The following SYNPR variants were observed in gnomAD, a reference collection of about 807,000 sequenced individuals.
SYNPR encodes synaptoporin.
A neutral mutation model predicts 32.9 loss-of-function variants in SYNPR; 23 were observed. The ratio of observed to expected loss-of-function variants is 0.70; its 90% confidence interval spans 0.50 to 0.99. The LOEUF (loss-of-function observed/expected upper bound fraction) is 0.99, where lower values mean the gene tolerates loss of function less well. Ranked by LOEUF, SYNPR falls within the 50% of genes least tolerant of loss-of-function variation. The pLI, the probability that SYNPR is intolerant of heterozygous loss-of-function variation, is 0.00. For synonymous variants in SYNPR, 146 were observed against 135.9 expected (o/e 1.07, Z -0.52); for missense variants, 318 against 349.3 (o/e 0.91, Z 0.71).
At chr3:63,497,971 G>T (rs1701404116) in intron 3 of SYNPR, among the ~76,000 whole-genome samples, 1 of 152,032 alleles carries the variant, frequency 6.6e-6, no homozygotes, top group African/African-American at 2.4e-5. Context: ...ATGCTTTTTA[G>T]AAGAGAAATA....
rs111417288 is a variant in SYNPR, at chr3:63,375,907, T to C, written c.84+97165T>C. On this transcript the variant is annotated intron_variant, in intron 2 of 5. Coordinates refer to ENST00000478300, the MANE Select transcript of SYNPR (RefSeq NM_001130003.2). ...GTCTAAAGTCATCTAGGAATTAATA[T>C]GTTGAAGAAGAAAGTATTGCTTTCC... Among the ~76,000 whole-genome samples, 248 of 152,272 alleles carry C rather than the reference T, an allele frequency of 1.6e-3. 1 individual carries two copies. The highest frequency in any genetic ancestry group is 5.7e-3 in the African/African-American group (236 of 41,578).
At chr3:63,270,637 A>T (rs897662905) in intron 3 of SYNPR, among the ~76,000 whole-genome samples, 1 of 152,142 alleles carries the variant, frequency 6.6e-6, no homozygotes, top group South Asian at 2.1e-4. Context: ...TTGACTTCAT[A>T]CTTGGCTTGG....
At chr3:63,204,213 C>T in the SYNPR span, among the ~76,000 whole-genome samples, 2 of 152,100 alleles carry the variant, frequency 1.3e-5, no homozygotes, top group African/African-American at 4.8e-5. Context: ...TGTATTTCCT[C>T]ACAATTGTAA....
chr3:63,488,053 T>A (rs144722588), intron 3 of SYNPR, among the ~76,000 whole-genome samples: 1 of 152,122 alleles, frequency 6.6e-6, no homozygotes, highest in African/African-American at 2.4e-5. Flanking sequence ...TGGGCCATTA[T>A]CTAGTAACGC....
intron 4 of SYNPR, among the ~76,000 whole-genome samples, chr3:63,604,705 A>G (rs9813144): frequency 0.69 from 104,360 of 152,022 alleles, 37,056 homozygotes; most frequent in African/African-American, 0.88. Flanking sequence ...GTACATGAAC[A>G]TTGTTGATAT....
chr3:63,503,351 T>G (rs536714105), intron 3 of SYNPR, among the ~76,000 whole-genome samples: 1 of 152,156 alleles, frequency 6.6e-6, no homozygotes, highest in African/African-American at 2.4e-5. Flanking sequence ...ATAACAGTCC[T>G]TTATGAAATG....
intron 2 of SYNPR, among the ~76,000 whole-genome samples, chr3:63,429,562 T>C (rs1454448683): frequency 6.6e-6 from 1 of 152,198 alleles, no homozygotes; most frequent in Non-Finnish European, 1.5e-5. Flanking sequence ...GAACCAAAAT[T>C]TCAAGTTGTT....
At chr3:63,479,653 C>T (rs922186555) in intron 2 of SYNPR, among the ~76,000 whole-genome samples, 1 of 152,172 alleles carries the variant, frequency 6.6e-6, no homozygotes, top group Non-Finnish European at 1.5e-5. Context: ...ACCTTCTGAA[C>T]TTTCTGGAAA....
At chr3:63,581,893 CT>C (rs1302771456) in intron 4 of SYNPR, among the ~76,000 whole-genome samples, 1 of 152,026 alleles carries the variant, frequency 6.6e-6, no homozygotes. Context: ...GTGTGGATTT[CT>C]TTTTAACTTA....
At chr3:63,531,919 T>C (rs1682837416) in intron 3 of SYNPR, among the ~76,000 whole-genome samples, 1 of 152,208 alleles carries the variant, frequency 6.6e-6, no homozygotes, top group Admixed American at 6.5e-5. Flanking sequence ...TTTACCTACT[T>C]CTATATGAAG....
chr3:63,580,396 T>C (rs186955560), intron 4 of SYNPR, among the ~76,000 whole-genome samples: 2 of 152,300 alleles, frequency 1.3e-5, no homozygotes, highest in African/African-American at 4.8e-5. Context: ...AAGTCAGGCA[T>C]GACCTGTGGG....
At chr3:63,427,356 G>T (rs1163122655) in intron 2 of SYNPR, 2 of 151,928 alleles carry the variant, frequency 1.3e-5, no homozygotes, top group Non-Finnish European at 2.9e-5. Context: ...TCTCAGTAAA[G>T]AATAAATAAT....
chr3:63,478,200 C>T (rs995127802), intron 2 of SYNPR, among the ~76,000 whole-genome samples: 1 of 152,178 alleles, frequency 6.6e-6, no homozygotes, highest in African/African-American at 2.4e-5. Context: ...TAGTTAAATA[C>T]ATAACTATCA....
intron 4 of SYNPR, among the ~76,000 whole-genome samples, chr3:63,601,786 T>G (rs1040475648): frequency 6.6e-6 from 1 of 152,222 alleles, no homozygotes; most frequent in African/African-American, 2.4e-5. Context: ...AGTGTGGCAG[T>G]AAACATACAC....
chr3:63,365,586 A>G (rs772157771), intron 2 of SYNPR, among the ~76,000 whole-genome samples: 1 of 152,258 alleles, frequency 6.6e-6, no homozygotes, highest in Non-Finnish European at 1.5e-5. Context: ...TGACAAAAAT[A>G]TCACAAGGAT....
At chr3:63,354,350 C>A (rs1342100135) in intron 2 of SYNPR, among the ~76,000 whole-genome samples, 1 of 152,160 alleles carries the variant, frequency 6.6e-6, no homozygotes, top group East Asian at 1.9e-4. Context: ...ACATCATGAT[C>A]CAACTGCTGG....
At chr3:63,362,460 C>G (rs2087674365) in intron 2 of SYNPR, among the ~76,000 whole-genome samples, 1 of 152,038 alleles carries the variant, frequency 6.6e-6, no homozygotes, top group African/African-American at 2.4e-5. Context: ...ACAATAATCT[C>G]TCTATTCTAG....
chr3:63,364,976 G>T (rs1188430767), intron 2 of SYNPR, among the ~76,000 whole-genome samples: 9 of 152,246 alleles, frequency 5.9e-5, no homozygotes, highest in African/African-American at 2.2e-4. Context: ...TTAATAAATG[G>T]CATTAAGAAT....
At chr3:63,408,326 A>C in intron 2 of SYNPR, among the ~76,000 whole-genome samples, 1 of 126,522 alleles carries the variant, frequency 7.9e-6, no homozygotes, top group African/African-American at 3.3e-5. Flanking sequence ...GAAGGAAAGA[A>C]AGAAAGAAAG....
Sources: allele counts gnomAD v4.1 joint callset (sites outside exome capture counted in the v4.1 genomes callset), GRCh38; gene constraint gnomAD v4.1.1; transcripts MANE v1.5; gene names NCBI Gene and HGNC (gene_info 2026-07-23, HGNC 2026-07-21).